ERC2: variants seen among roughly 807,000 people sequenced by gnomAD.
ERC2 encodes the protein ERC protein 2.
A neutral mutation model predicts 114.8 loss-of-function variants in ERC2; 42 were observed. The ratio of observed to expected loss-of-function variants is 0.37; its 90% CI spans 0.29 to 0.47. The LOEUF (loss-of-function observed/expected upper bound fraction) is 0.47, where lower values mean the gene tolerates loss of function less well. Among genes scored for constraint, ERC2 ranks in the 20% least tolerant of loss-of-function variants. ERC2 has a pLI of 0.99. For missense variants in ERC2, 939 were observed against 1,150.7 expected (o/e 0.82, Z 2.66); for synonymous variants, 454 against 425.5 (o/e 1.07, Z -0.82).
intron 6 of ERC2, among the ~76,000 whole-genome samples, chr3:56,134,340 AC>A (rs1560230422): frequency 6.6e-6 from 1 of 152,214 alleles, no homozygotes; most frequent in Non-Finnish European, 1.5e-5. Flanking sequence ...CAGTTCTCTA[AC>A]ATATATCCAC....
intron 14 of ERC2, among the ~76,000 whole-genome samples, chr3:55,770,063 C>G (rs1358585654): frequency 6.6e-6 from 1 of 152,140 alleles, no homozygotes. Flanking sequence ...GAAAGTAATG[C>G]GTGCAAACTG....
At chr3:56,197,803 C>A (rs1396628928) in intron 3 of ERC2, among the ~76,000 whole-genome samples, 2 of 152,210 alleles carry the variant, frequency 1.3e-5, no homozygotes, top group Non-Finnish European at 2.9e-5. Context: ...ATGGTAGTGG[C>A]AGTGAGCAAA....
At chr3:56,088,134 C>T (rs1195344914) in intron 6 of ERC2, among the ~76,000 whole-genome samples, 1 of 152,078 alleles carries the variant, frequency 6.6e-6, no homozygotes, top group African/African-American at 2.4e-5. Context: ...CCTCAGAGAT[C>T]GTAGAGGCTA....
chr3:56,270,177 AAAAAG>A (rs199911472), intron 3 of ERC2, among the ~76,000 whole-genome samples: 10 of 148,040 alleles, frequency 6.8e-5, no homozygotes, highest in Admixed American at 2.7e-4. Context: ...CCTAAAAAAA[AAAAAG>A]AAAGAAAAAC....
chr3:56,162,281 G>C (rs1377305754), intron 4 of ERC2, among the ~76,000 whole-genome samples: 1 of 152,130 alleles, frequency 6.6e-6, no homozygotes, highest in South Asian at 2.1e-4. Flanking sequence ...AATTTGGCTT[G>C]ATAGTATTTT....
intron 16 of ERC2, among the ~76,000 whole-genome samples, chr3:55,693,482 C>T (rs547330084): frequency 6.6e-6 from 1 of 152,222 alleles, no homozygotes; most frequent in South Asian, 2.1e-4. Flanking sequence ...CAGTTCCCCT[C>T]CCTCCCCGGG....
intron 7 of ERC2, among the ~76,000 whole-genome samples, chr3:56,041,900 A>T (rs1306279689): frequency 1.3e-5 from 2 of 152,252 alleles, no homozygotes; most frequent in African/African-American, 4.8e-5. Flanking sequence ...ACCCTGTTGC[A>T]GAAATGGAAG....
intron 7 of ERC2, among the ~76,000 whole-genome samples, chr3:56,060,200 A>C (rs988019432): frequency 6.6e-6 from 1 of 152,228 alleles, no homozygotes; most frequent in African/African-American, 2.4e-5. Flanking sequence ...AAATGAAGGA[A>C]CTGACAAACA....
intron 1 of ERC2, among the ~76,000 whole-genome samples, chr3:56,447,935 G>T (rs1482749711): frequency 6.6e-6 from 1 of 152,014 alleles, no homozygotes; most frequent in Non-Finnish European, 1.5e-5. Flanking sequence ...TACAGATGGG[G>T]CTTTGACATT....
intron 4 of ERC2, among the ~76,000 whole-genome samples, chr3:56,151,661 T>C (rs2081418274): frequency 6.6e-6 from 1 of 152,150 alleles, no homozygotes; most frequent in South Asian, 2.1e-4. Context: ...GAAGGAATTT[T>C]ATCATTTTCT....
At chr3:56,271,596 C>A (rs905014252) in intron 3 of ERC2, among the ~76,000 whole-genome samples, 1 of 152,100 alleles carries the variant, frequency 6.6e-6, no homozygotes, top group Non-Finnish European at 1.5e-5. Flanking sequence ...CTATTATCTC[C>A]ATCATCATTA....
chr3:55,750,125 T>A (rs1457145479), intron 14 of ERC2, among the ~76,000 whole-genome samples: 1 of 151,714 alleles, frequency 6.6e-6, no homozygotes, highest in African/African-American at 2.4e-5. Context: ...GGATCAGCAA[T>A]GGGTAAGGCT....
intron 3 of ERC2, among the ~76,000 whole-genome samples, chr3:56,193,858 T>C (rs2047937484): frequency 6.6e-6 from 1 of 152,088 alleles, no homozygotes; most frequent in Admixed American, 6.5e-5. Flanking sequence ...ACAGCATGAG[T>C]AAAAGCGTGG....
chr3:55,969,737 T>C (rs1486582380), intron 12 of ERC2, among the ~76,000 whole-genome samples: 3 of 152,196 alleles, frequency 2.0e-5, no homozygotes, highest in African/African-American at 7.2e-5. Flanking sequence ...GATCCTCTCT[T>C]AGGTTTGATC....
At chr3:56,148,171 C>G (rs1013138195) in intron 5 of ERC2, among the ~76,000 whole-genome samples, 1 of 152,188 alleles carries the variant, frequency 6.6e-6, no homozygotes, top group Non-Finnish European at 1.5e-5. Context: ...TTTCTTATCC[C>G]TATTTCACGG....
intron 6 of ERC2, among the ~76,000 whole-genome samples, chr3:56,138,197 C>T (rs1157067003): frequency 6.6e-6 from 1 of 151,660 alleles, no homozygotes; most frequent in African/African-American, 2.4e-5. Context: ...GTAGCTGGGA[C>T]TACAGGCACC....
intron 1 of ERC2, among the ~76,000 whole-genome samples, chr3:56,451,112 T>C (rs866923047): frequency 2.6e-5 from 4 of 152,166 alleles, no homozygotes; most frequent in Non-Finnish European, 5.9e-5. Flanking sequence ...TCAGTTATAG[T>C]ATACTTAAAA....
intron 2 of ERC2, among the ~76,000 whole-genome samples, chr3:56,344,025 C>T (rs1040864371): frequency 2.0e-5 from 3 of 152,168 alleles, no homozygotes; most frequent in Admixed American, 2.0e-4. Context: ...TGGCTCCTCA[C>T]CCACCTATGC....
At chr3:55,968,822 C>G (rs1377812455) in intron 12 of ERC2, among the ~76,000 whole-genome samples, 1 of 152,174 alleles carries the variant, frequency 6.6e-6, no homozygotes, top group Non-Finnish European at 1.5e-5. Context: ...TGAATGTCAT[C>G]ACTACCCTAT....
Sources: gnomAD v4.1 joint callset for allele counts (sites outside exome capture counted in the v4.1 genomes callset) on GRCh38, gnomAD v4.1.1 for gene constraint, MANE v1.5 for transcripts, NCBI Gene and HGNC (gene_info 2026-07-23, HGNC 2026-07-21) for gene names.